UTRN: variants seen among roughly 807,000 people sequenced by gnomAD.
UTRN encodes dystrophin-related protein 1.
A neutral mutation model predicts 463.9 loss-of-function variants in UTRN; 283 were observed. The observed-to-expected ratio is 0.61, with a 90% CI of 0.55 to 0.67. The LOEUF is 0.67. UTRN is among the 30% of genes least tolerant of loss of function. The pLI, the probability that UTRN is intolerant of heterozygous loss-of-function variation, is 0.00. For synonymous variants in UTRN, 1,442 were observed against 1,431.5 expected (o/e 1.01, Z -0.17); for missense variants, 3,922 against 4,084.3 (o/e 0.96, Z 1.08).
At chr6:144,505,737 G>C (rs1463358378) in intron 34 of UTRN, among the ~76,000 whole-genome samples, 1 of 152,166 alleles carries the variant, frequency 6.6e-6, no homozygotes, top group African/African-American at 2.4e-5. Context: ...CTGTTGATTT[G>C]GGGTGGAGAG....
At chr6:144,667,000 CACT>C (rs1171117114) in intron 51 of UTRN, among the ~76,000 whole-genome samples, 1 of 151,242 alleles carries the variant, frequency 6.6e-6, no homozygotes, top group African/African-American at 2.5e-5. Flanking sequence ...CTTAATGCAC[CACT>C]ACTACTTCTT....
chr6:144,462,912 T>C (rs1477910023), intron 23 of UTRN, 46 bp downstream of exon 23: 14 of 1,388,238 alleles, frequency 1.0e-5, no homozygotes, highest in East Asian at 2.3e-5. Flanking sequence ...ACGGGGTAAA[T>C]AGTAATTATC....
chr6:144,654,990 T>C (rs1463239806), intron 51 of UTRN, among the ~76,000 whole-genome samples: 1 of 152,114 alleles, frequency 6.6e-6, no homozygotes, highest in Non-Finnish European at 1.5e-5. Context: ...TGGTTATGTG[T>C]TATAGAAAAT....
At chr6:144,300,338 C>A (rs1047214412) in intron 2 of UTRN, among the ~76,000 whole-genome samples, 1 of 152,206 alleles carries the variant, frequency 6.6e-6, no homozygotes. Context: ...GATCTACCCA[C>A]CTCAGCCTCT....
chr6:144,425,401 GT>G (rs1390296570), intron 6 of UTRN, among the ~76,000 whole-genome samples: 1 of 152,092 alleles, frequency 6.6e-6, no homozygotes, highest in Non-Finnish European at 1.5e-5. Flanking sequence ...ACTACCCTTT[GT>G]TATTAAAAGT....
Position 144,836,400 on chromosome 6 carries a change from G to T in UTRN, c.9924G>T (p.Thr3308=). Residue 3308 remains threonine, a synonymous_variant, in exon 71 of 75, where the codon ACG becomes ACT. Coordinates refer to ENST00000367545, the MANE Select transcript of UTRN (RefSeq NM_007124.3). Reference sequence around the variant, plus strand: ...AGTCGATTATATCTCCCCATCACACGTCTGAGGATTCAGAACTTATAGCAG... The same window carrying T: ...AGTCGATTATATCTCCCCATCACACTTCTGAGGATTCAGAACTTATAGCAG... The part of the protein sequence containing the change: ...PPESIISPHH[T]SEDSELIAEA... 1 of 1,393,544 alleles carries T rather than the reference G, an allele frequency of 7.2e-7. No homozygotes were observed. Among genetic ancestry groups the T allele is most frequent in the Non-Finnish European group, 9.8e-7 (1 of 1,017,576 alleles). 86.3% of individuals were successfully genotyped at this position (1,393,544 alleles called of 1,614,324 possible).
chr6:144,449,485 C>T (rs1788036132), intron 17 of UTRN, among the ~76,000 whole-genome samples: 1 of 152,164 alleles, frequency 6.6e-6, no homozygotes, highest in Non-Finnish European at 1.5e-5. Flanking sequence ...ATATTGAGAG[C>T]AGATGCTGAC....
At chr6:144,326,377 A>T (rs1327965587) in intron 2 of UTRN, among the ~76,000 whole-genome samples, 1 of 151,584 alleles carries the variant, frequency 6.6e-6, no homozygotes, top group Non-Finnish European at 1.5e-5. Context: ...TCATCCTAAT[A>T]TTTTTTATAC....
In UTRN at chr6:144,737,677, A is replaced by G. The variant is rs182231947; in HGVS notation, c.7939+7191A>G. On this transcript the variant is annotated intron_variant, in intron 54 of 74. Coordinates refer to ENST00000367545, the MANE Select transcript of UTRN (RefSeq NM_007124.3). Reference sequence around the variant, plus strand: ...ATTAAGTAAATATGATTTTTAGCTGAACTAAAATTATCTGAATCCTTGTAG... The same window carrying G: ...ATTAAGTAAATATGATTTTTAGCTGGACTAAAATTATCTGAATCCTTGTAG... Among the ~76,000 whole-genome samples, 126 of 152,352 alleles carry G rather than the reference A, an allele frequency of 8.3e-4. 1 individual carries two copies. The highest frequency in any genetic ancestry group is 8.0e-3 in the Admixed American group (122 of 15,302).
At chr6:144,729,270 A>G (rs1037705860) in intron 53 of UTRN, among the ~76,000 whole-genome samples, 2 of 152,138 alleles carry the variant, frequency 1.3e-5, no homozygotes, top group Admixed American at 1.3e-4. Context: ...ATTTTTATAT[A>G]AGATAATTAT....
intron 19 of UTRN, among the ~76,000 whole-genome samples, chr6:144,454,744 A>G (rs992364032): frequency 1.3e-5 from 2 of 152,186 alleles, no homozygotes; most frequent in Non-Finnish European, 2.9e-5. Context: ...ATATTCTGCC[A>G]TTCTTGAATT....
chr6:144,757,800 A>G, intron 57 of UTRN, 129 bp from the exon 58 acceptor site: 1 of 756,134 alleles, frequency 1.3e-6, no homozygotes, highest in South Asian at 2.7e-5. Flanking sequence ...GGATCTCATA[A>G]TTATAGGAAT....
chr6:144,331,703 T>A lies in UTRN; in HGVS notation c.79+39796T>A, dbSNP rs73780530. Among the ~76,000 whole-genome samples the A allele has an allele frequency of 9.7e-3, 1,481 of 152,250 alleles. 27 individuals are homozygous for A. Among genetic ancestry groups the A allele is most frequent in the African/African-American group, 0.034 (1,415 of 41,544 alleles). ...GCTTGCAGGCTTTCAAACGCAGCGA[T>A]TCAGCAGCGTGGTAAGACGTGTGCT... On this transcript the variant is annotated intron_variant, in intron 2 of 74. Transcript: ENST00000367545.
intron 3 of UTRN, among the ~76,000 whole-genome samples, chr6:144,411,261 G>A (rs1783872915): frequency 6.6e-6 from 1 of 152,208 alleles, no homozygotes; most frequent in South Asian, 2.1e-4. Context: ...TCATGCAGGA[G>A]TGAAGTGGTA....
chr6:144,402,812 G>A (rs1783042159), intron 2 of UTRN, among the ~76,000 whole-genome samples: 11 of 152,142 alleles, frequency 7.2e-5, no homozygotes. Context: ...GTACTAGCTG[G>A]AAAGTAGGGC....
intron 40 of UTRN, 77 bp from the exon 41 acceptor site, chr6:144,522,939 A>G: frequency 8.8e-7 from 1 of 1,133,850 alleles, no homozygotes. Context: ...GTTCTACAAT[A>G]TAAATATCTG....
chr6:144,727,484 C>T (rs990313631), intron 53 of UTRN, among the ~76,000 whole-genome samples: 4 of 152,222 alleles, frequency 2.6e-5, no homozygotes, highest in Admixed American at 6.5e-5. Context: ...CTGAGCCAGG[C>T]GTGGTGGCCC....
chr6:144,485,536 T>A lies in UTRN; in HGVS notation c.3822+17T>A. On this transcript the variant is annotated intron_variant, in intron 28 of 74. Coordinates refer to ENST00000367545, the MANE Select transcript of UTRN (RefSeq NM_007124.3). ...GCCCTGGAGGTTGGAACCCGTGATC[T>A]CCACGGCATTTCTCTTTGCTGTGAT... 6.2e-7 allele frequency: 1 copy of A among 1,613,966 alleles called. No individual in the cohort carries two copies. Among genetic ancestry groups the A allele is most frequent in the Non-Finnish European group, 8.5e-7 (1 of 1,179,910 alleles).
chr6:144,470,343 A>T (rs1790427536), intron 23 of UTRN, among the ~76,000 whole-genome samples: 1 of 151,072 alleles, frequency 6.6e-6, no homozygotes, highest in Non-Finnish European at 1.5e-5. Context: ...CTCACTTCCC[A>T]GATGGGGTGG....
Sources: allele counts gnomAD v4.1 joint callset (sites outside exome capture counted in the v4.1 genomes callset), GRCh38; gene constraint gnomAD v4.1.1; transcripts MANE v1.5; gene names NCBI Gene and HGNC (gene_info 2026-07-23, HGNC 2026-07-21).